The following RNF168 variants were observed in gnomAD, a reference collection of about 807,000 sequenced individuals.
RNF168 encodes ring finger protein 168.
Under a neutral mutation model 34.9 loss-of-function variants are expected in RNF168, and 34 were observed. The ratio of observed to expected loss-of-function variants is 0.97; its 90% CI spans 0.74 to 1.30. RNF168 has a LOEUF of 1.30. RNF168 is among the 50% of genes most tolerant of loss of function. The probability of loss-of-function intolerance (pLI) is 0.00; values close to 1 mark genes in which losing one functional copy is unlikely to be tolerated. For missense variants in RNF168, 725 were observed against 682.5 expected (o/e 1.06, Z -0.69); for synonymous variants, 264 against 254.7 (o/e 1.04, Z -0.35).
chr3:196,474,484 G>C (rs977072651), intron 5 of RNF168, among the ~76,000 whole-genome samples: 4 of 127,792 alleles, frequency 3.1e-5, no homozygotes, highest in Non-Finnish European at 6.5e-5. Flanking sequence ...TTTCACTCTT[G>C]TTGTCCAGGC....
chr3:196,483,098 CT>C (rs1226392097), intron 4 of RNF168, among the ~76,000 whole-genome samples: 654 of 143,980 alleles, frequency 4.5e-3, no homozygotes, highest in African/African-American at 0.01. Flanking sequence ...ATTGTCACAT[CT>C]TTTTTTTTTT....
At position 196,471,352 on chromosome 3, in the gene RNF168, A is replaced by T. The variant is rs1732001798; in HGVS notation, c.*467T>A. 6.6e-6 allele frequency: 1 copy of T among 152,620 alleles called. No individual in the cohort carries two copies. Among genetic ancestry groups the T allele is most frequent in the Non-Finnish European group, 1.5e-5 (1 of 68,634 alleles). 9.5% of individuals were successfully genotyped at this position (152,620 alleles called of 1,614,324 possible). A position where few individuals can be genotyped will look rare whatever the true frequency, so the allele number is the denominator to read the frequency against. On this transcript the variant is annotated 3_prime_UTR_variant, in exon 6 of 6. Coordinates refer to ENST00000318037, the MANE Select transcript of RNF168 (RefSeq NM_152617.4). ...GAATTAAATTGGAGATGGAAATTAGATTACTTTAGGAAAACCTTTTGAGTA... is the reference window on the plus strand; with the variant it reads ...GAATTAAATTGGAGATGGAAATTAGTTTACTTTAGGAAAACCTTTTGAGTA...
chr3:196,475,103 A>C, intron 5 of RNF168, 128 bp downstream of exon 5: 1 of 677,746 alleles, frequency 1.5e-6, no homozygotes. Flanking sequence ...AGGTGAGCCT[A>C]AGAGGACTCA....
chr3:196,488,028 G>T (rs1255921278), intron 2 of RNF168, among the ~76,000 whole-genome samples: 1 of 151,932 alleles, frequency 6.6e-6, no homozygotes, highest in African/African-American at 2.4e-5. Context: ...AAACTTTGGG[G>T]AAATAAAAAT....
At chr3:196,485,753 T>TA (rs1432471096) in intron 3 of RNF168, among the ~76,000 whole-genome samples, 1 of 151,044 alleles carries the variant, frequency 6.6e-6, no homozygotes, top group Non-Finnish European at 1.5e-5. Flanking sequence ...ATTCTGCGTA[T>TA]ACTCATTTTG....
At chr3:196,478,867 G>T (rs1008754455) in intron 4 of RNF168, among the ~76,000 whole-genome samples, 2 of 149,420 alleles carry the variant, frequency 1.3e-5, no homozygotes, top group African/African-American at 4.9e-5. Context: ...GGCTGATCTC[G>T]AATGCCTGAC....
intron 1 of RNF168, among the ~76,000 whole-genome samples, chr3:196,498,927 G>A (rs1732814041): frequency 6.6e-6 from 1 of 151,742 alleles, no homozygotes; most frequent in Non-Finnish European, 1.5e-5. Context: ...CCCAGGAGAC[G>A]GAGGTTGCAG....
In RNF168 at chr3:196,487,463, C is replaced by T. The variant is rs768744096; in HGVS notation, c.494G>A (p.Arg165Gln). The change falls in exon 3 of 6, where the codon CGA (arginine) becomes CAA (glutamine). Residue 165 changes from arginine to glutamine, a missense_variant. Coordinates refer to ENST00000318037, the MANE Select transcript of RNF168 (RefSeq NM_152617.4). ...TTTCAGTTGTTCTTCCATCGCTCTT[C>T]GCCTTTTTTCTGCCTGTCTTTTTTC... ...EEEKRQAEKR[R>Q]RAMEEQLKSD... 21 of 1,614,040 alleles carry T rather than the reference C, an allele frequency of 1.3e-5. No individual in the cohort carries two copies. The highest frequency in any genetic ancestry group is 4.4e-5 in the South Asian group (4 of 91,086).
intron 1 of RNF168, among the ~76,000 whole-genome samples, chr3:196,502,600 AAG>A (rs1450527978): frequency 0.01 from 1,492 of 149,200 alleles, 20 homozygotes; most frequent in African/African-American, 0.025. Flanking sequence ...AAAAAAAAAA[AAG>A]AAGGCTCCAG....
At chr3:196,501,592 G>A (rs1425011157) in intron 1 of RNF168, among the ~76,000 whole-genome samples, 1 of 152,172 alleles carries the variant, frequency 6.6e-6, no homozygotes. Context: ...AGTGCCTCAC[G>A]GTTAGAGTTT....
At position 196,468,841 on chromosome 3, in the gene RNF168, C is replaced by A. The variant is rs1731933915; in HGVS notation, c.*2978G>T. ...CAGCCTCTGCACAGCCTTAGTACTCCCTGAGAAATTCAGTGTTTGCATATC... is the reference window on the plus strand; with the variant it reads ...CAGCCTCTGCACAGCCTTAGTACTCACTGAGAAATTCAGTGTTTGCATATC... On this transcript the variant is annotated 3_prime_UTR_variant, in exon 6 of 6. Coordinates refer to ENST00000318037, the MANE Select transcript of RNF168 (RefSeq NM_152617.4). 6.6e-6 allele frequency: 1 copy of A among 151,492 alleles called. No individual in the cohort carries two copies. Among genetic ancestry groups the A allele is most frequent in the African/African-American group, 2.4e-5 (1 of 41,216 alleles). The allele number at this position is 151,492 out of a possible 1,614,324, so 9.4% of individuals were successfully genotyped here.
In RNF168 at chr3:196,488,673, A is replaced by ATAG; in HGVS notation, c.309_311dup (p.Tyr104dup). The ATAG allele has an allele frequency of 6.3e-7, 1 of 1,599,880 alleles. No individual in the cohort carries two copies. Among genetic ancestry groups the ATAG allele is most frequent in the Non-Finnish European group, 8.6e-7 (1 of 1,167,376 alleles). ...GTTTACTGAGCAGACGAACTGGCTG[A>ATAG]TAGTCATCAGCTATTTCATATCAAA... is the stretch of plus-strand genomic sequence containing the variant. On this transcript the variant is annotated inframe_insertion, in exon 2 of 6. Transcript: ENST00000318037.
intron 1 of RNF168, among the ~76,000 whole-genome samples, chr3:196,492,651 G>A (rs1268931432): frequency 1.3e-5 from 2 of 152,070 alleles, no homozygotes; most frequent in South Asian, 2.1e-4. Flanking sequence ...GGTGGTGCAC[G>A]CCTGTAATCC....
intron 1 of RNF168, among the ~76,000 whole-genome samples, chr3:196,501,944 CTTTTTCT>C (rs1467513244): frequency 2.0e-5 from 3 of 146,482 alleles, no homozygotes; most frequent in Non-Finnish European, 3.0e-5. Context: ...TTGAATAAAG[CTTTTTCT>C]TTTAACTATT....
intron 1 of RNF168, among the ~76,000 whole-genome samples, chr3:196,496,456 T>C (rs191673019): frequency 6.6e-6 from 1 of 152,330 alleles, no homozygotes; most frequent in Admixed American, 6.5e-5. Context: ...TGTCTGTCTC[T>C]GTGTCCAAAT....
intron 5 of RNF168, 147 bp from the exon 6 acceptor site, chr3:196,472,919 T>A (rs1402725603): frequency 1.7e-6 from 1 of 576,016 alleles, no homozygotes; most frequent in Non-Finnish European, 3.1e-6. Context: ...CTTTTCTTTT[T>A]TTTTCAGAGT....
chr3:196,494,498 A>C (rs906347840), intron 1 of RNF168, among the ~76,000 whole-genome samples: 1 of 152,232 alleles, frequency 6.6e-6, no homozygotes, highest in Non-Finnish European at 1.5e-5. Flanking sequence ...CCTTAACTTG[A>C]ACAGTTGAGC....
chr3:196,483,834 G>T lies in RNF168; in HGVS notation c.616C>A (p.Pro206Thr). Residue 206 changes from proline to threonine, a missense_variant, in exon 4 of 6, where the codon CCA (proline) becomes ACA (threonine). By Grantham distance (38) the Pro-to-Thr change is conservative. Coordinates refer to ENST00000318037, the MANE Select transcript of RNF168 (RefSeq NM_152617.4). ...TTCTTTTCAGACTTGGGTGTAACTG[G>T]ATCAGATTTTCTGGAATTCAAGGGA... is the stretch of plus-strand genomic sequence containing the variant. Reference protein sequence around the residue: ...ASPLNSRKSDPVTPKSEKKSK... With the variant: ...ASPLNSRKSDTVTPKSEKKSK... 9.3e-6 allele frequency: 15 copies of T among 1,607,918 alleles called. No individual in the cohort carries two copies. The highest frequency in any genetic ancestry group is 1.3e-5 in the Non-Finnish European group (15 of 1,174,436).
chr3:196,499,817 A>G lies in RNF168; in HGVS notation c.301+3056T>C, dbSNP rs572978476. Among the ~76,000 whole-genome samples the G allele has an allele frequency of 4.1e-4, 62 of 152,324 alleles. 4 individuals are homozygous for G. The South Asian group carries it at 0.013, about 32-fold the overall frequency. ...GGGTTTTGGGAGAAAAACAGAAACA[A>G]AAAGAATGAATGAGCACAGGATTTG... On this transcript the variant is annotated intron_variant, in intron 1 of 5. Coordinates refer to ENST00000318037, the MANE Select transcript of RNF168 (RefSeq NM_152617.4).
Sources: allele counts gnomAD v4.1 joint callset (sites outside exome capture counted in the v4.1 genomes callset), GRCh38; gene constraint gnomAD v4.1.1; transcripts MANE v1.5; gene names NCBI Gene and HGNC (gene_info 2026-07-23, HGNC 2026-07-21).